Variants in ADARB2 observed in about 807,000 individuals in gnomAD.
ADARB2 encodes inactive double-stranded RNA-specific editase B2.
Under a neutral mutation model 62.2 loss-of-function variants are expected in ADARB2, and 25 were observed. The ratio of observed to expected loss-of-function variants is 0.40; its 90% CI spans 0.29 to 0.56. The LOEUF is 0.56. Ranked by LOEUF, ADARB2 falls within the 20% of genes least tolerant of loss-of-function variation. The pLI is 0.43. For missense variants in ADARB2, 1,071 were observed against 1,077.4 expected (o/e 0.99, Z 0.08); for synonymous variants, 572 against 500.8 (o/e 1.14, Z -1.90).
intron 7 of ADARB2, among the ~76,000 whole-genome samples, chr10:1,204,015 C>T (rs143076471): frequency 0.026 from 3,938 of 152,266 alleles, 75 homozygotes; most frequent in Middle Eastern, 0.051. Context: ...CGTGTTGGTT[C>T]TGGGGTCACA....
At chr10:1,314,257 C>T (rs1831717495) in intron 3 of ADARB2, among the ~76,000 whole-genome samples, 1 of 152,194 alleles carries the variant, frequency 6.6e-6, no homozygotes. Context: ...GGTTTCTCTG[C>T]AGCCGCCTCC....
chr10:1,683,797 G>A (rs1357292987), intron 1 of ADARB2, among the ~76,000 whole-genome samples: 3 of 152,242 alleles, frequency 2.0e-5, no homozygotes, highest in Non-Finnish European at 4.4e-5. Context: ...GTTTGGATGA[G>A]CAGAGAAACG....
At chr10:1,713,335 A>C (rs1051338378) in intron 1 of ADARB2, among the ~76,000 whole-genome samples, 1 of 152,138 alleles carries the variant, frequency 6.6e-6, no homozygotes, top group Non-Finnish European at 1.5e-5. Context: ...TTACCACAGA[A>C]CTGTCTCGCC....
chr10:1,713,988 G>A (rs190537976), intron 1 of ADARB2, among the ~76,000 whole-genome samples: 9 of 152,322 alleles, frequency 5.9e-5, no homozygotes, highest in African/African-American at 2.2e-4. Flanking sequence ...TTTGCATAAA[G>A]AGACTCTGTG....
chr10:1,713,960 C>A (rs1028129748), intron 1 of ADARB2, among the ~76,000 whole-genome samples: 34 of 152,158 alleles, frequency 2.2e-4, no homozygotes, highest in African/African-American at 3.9e-4. Context: ...GCTCTGAGGG[C>A]AAAGCTTAGT....
chr10:1,246,206 T>G lies in ADARB2; in HGVS notation c.1193-3907A>C, dbSNP rs561000436. Among the ~76,000 whole-genome samples, 79 of 152,142 alleles carry G rather than the reference T, an allele frequency of 5.2e-4. 2 individuals carry two copies. In the East Asian group the frequency reaches 0.013, roughly 26 times the overall value. The stretch of plus-strand genomic sequence containing the variant: ...GGTTGTTTGATTTTTCTTGTAAATT[T>G]GTTTGAGTTCATTGTAGATTCTGGA... On this transcript the variant is annotated intron_variant, in intron 4 of 9. Coordinates refer to ENST00000381312, the MANE Select transcript of ADARB2 (RefSeq NM_018702.4).
intron 1 of ADARB2, among the ~76,000 whole-genome samples, chr10:1,681,295 A>G (rs749077164): frequency 7.9e-5 from 12 of 152,216 alleles, no homozygotes; most frequent in Non-Finnish European, 1.5e-4. Context: ...TTTCTCTCAA[A>G]TTCATTTCCT....
At chr10:1,260,748 A>G (rs1468215591) in intron 4 of ADARB2, among the ~76,000 whole-genome samples, 5 of 139,472 alleles carry the variant, frequency 3.6e-5, no homozygotes, top group Non-Finnish European at 6.2e-5. Flanking sequence ...TACAGATTCA[A>G]TGCCATCCCC....
At chr10:1,482,209 G>A (rs1232585758) in intron 1 of ADARB2, among the ~76,000 whole-genome samples, 1 of 152,176 alleles carries the variant, frequency 6.6e-6, no homozygotes, top group Non-Finnish European at 1.5e-5. Context: ...AAGTAAGCAT[G>A]ATTCCTAACT....
intron 1 of ADARB2, among the ~76,000 whole-genome samples, chr10:1,486,628 G>A (rs1322704347): frequency 5.3e-5 from 8 of 152,046 alleles, no homozygotes; most frequent in African/African-American, 1.9e-4. Context: ...TCTTATTTTT[G>A]ACAGAAATAT....
chr10:1,603,078 C>T (rs1381735905), intron 1 of ADARB2, among the ~76,000 whole-genome samples: 1 of 142,616 alleles, frequency 7.0e-6, no homozygotes, highest in Non-Finnish European at 1.6e-5. Flanking sequence ...AACACAGACA[C>T]CTGTACACAC....
chr10:1,495,962 A>G (rs542613456), intron 1 of ADARB2, among the ~76,000 whole-genome samples: 1 of 151,962 alleles, frequency 6.6e-6, no homozygotes, highest in Non-Finnish European at 1.5e-5. Flanking sequence ...TGTGATCATC[A>G]CCATCATTGC....
At chr10:1,641,769 T>G (rs1833981403) in intron 1 of ADARB2, among the ~76,000 whole-genome samples, 1 of 152,210 alleles carries the variant, frequency 6.6e-6, no homozygotes, top group Non-Finnish European at 1.5e-5. Context: ...TCCCAGCACT[T>G]TAGGAGGCCA....
At chr10:1,581,054 T>C (rs1019627963) in intron 1 of ADARB2, among the ~76,000 whole-genome samples, 3 of 152,240 alleles carry the variant, frequency 2.0e-5, no homozygotes, top group African/African-American at 7.2e-5. Context: ...TGTGTGGACA[T>C]GTTTCCAGCT....
intron 1 of ADARB2, among the ~76,000 whole-genome samples, chr10:1,622,045 T>C (rs1023864821): frequency 6.6e-6 from 1 of 152,226 alleles, no homozygotes; most frequent in African/African-American, 2.4e-5. Flanking sequence ...GAATTAATGC[T>C]TACATCCATG....
At chr10:1,325,028 T>C (rs1831831707) in intron 3 of ADARB2, among the ~76,000 whole-genome samples, 1 of 152,142 alleles carries the variant, frequency 6.6e-6, no homozygotes, top group Non-Finnish European at 1.5e-5. Context: ...GAATCTACAA[T>C]TGTCAGAACT....
chr10:1,423,688 A>G (rs1564285868), intron 1 of ADARB2, among the ~76,000 whole-genome samples: 1 of 151,430 alleles, frequency 6.6e-6, no homozygotes, highest in Non-Finnish European at 1.5e-5. Flanking sequence ...ATGCAGTAAG[A>G]CCACTGTGTA....
rs779126022 is a variant in ADARB2 at position 1,185,037 on chromosome 10, C to G, written c.1867G>C (p.Val623Leu). ...YRHNRPLLSG[V>L]SDAEARQPGK... Reference sequence around the variant, plus strand: ...GGCTGGCGCGCCTCGGCGTCACTCACGCCTGTCGGGGAGATGGGGAAAGGC... The same window carrying G: ...GGCTGGCGCGCCTCGGCGTCACTCAGGCCTGTCGGGGAGATGGGGAAAGGC... The change falls in exon 9 of 10, where the codon GTG becomes CTG. Residue 623 changes from valine to leucine, a missense_variant and splice_region_variant. Physicochemically the swap from Val to Leu is conservative, Grantham distance 32. Transcript: ENST00000381312. 6 of 1,610,596 alleles carry G rather than the reference C, an allele frequency of 3.7e-6. No individual in the cohort carries two copies. The highest frequency in any genetic ancestry group is 5.1e-6 in the Non-Finnish European group (6 of 1,178,506).
intron 8 of ADARB2, among the ~76,000 whole-genome samples, chr10:1,190,797 G>A (rs1836831889): frequency 1.3e-5 from 2 of 152,200 alleles, no homozygotes; most frequent in African/African-American, 4.8e-5. Flanking sequence ...TCCATCTCAC[G>A]ATCCTTAGTT....
Sources: gnomAD v4.1 joint callset for allele counts (sites outside exome capture counted in the v4.1 genomes callset) on GRCh38, gnomAD v4.1.1 for gene constraint, MANE v1.5 for transcripts, NCBI Gene and HGNC (gene_info 2026-07-23, HGNC 2026-07-21) for gene names.